The following TDRD6 variants were observed in gnomAD, a reference collection of about 807,000 sequenced individuals.
TDRD6 encodes the protein tudor domain containing 6.
TDRD6 carries 186 observed loss-of-function variants against 157.5 expected under a neutral mutation model. The observed-to-expected ratio is 1.18, with a 90% CI of 1.05 to 1.33. The LOEUF is 1.33. TDRD6 is among the 40% of genes most tolerant of loss of function. The pLI is 0.00. For missense variants in TDRD6, 3,066 were observed against 2,508.0 expected, an observed-to-expected ratio of 1.22 and a Z score of -4.75; for synonymous variants, 1,075 against 945.2, an observed-to-expected ratio of 1.14 and a Z score of -2.52.
In TDRD6 at chr6:46,701,864, G is replaced by C; in HGVS notation, c.6268G>C (p.Gly2090Arg). 1 of 1,612,770 alleles carries C rather than the reference G, an allele frequency of 6.2e-7. No homozygotes were observed. Among genetic ancestry groups the C allele is most frequent in the East Asian group, 2.2e-5 (1 of 44,848 alleles). The change falls in exon 4 of 4, where the codon GGT becomes CGT. Residue 2090 changes from glycine to arginine, a missense_variant. Coordinates refer to ENST00000316081, the MANE Select transcript of TDRD6 (RefSeq NM_001010870.3). ...KLDKSPPEKRGLEVMEI is the reference protein window; with the variant it reads ...KLDKSPPEKRRLEVMEI The stretch of plus-strand genomic sequence containing the variant: ...TTTTCTCTTTTTGTTTCAGAAAAGG[G>C]GTTTGGAGGTGATGGAGATTTAACC...
rs1325648055 is a variant in TDRD6, at chr6:46,689,974, G to A, written c.1846G>A (p.Ala616Thr). The A allele has an allele frequency of 1.2e-6, 2 of 1,613,378 alleles. No individual in the cohort carries two copies. The highest frequency in any genetic ancestry group is 1.7e-6 in the Non-Finnish European group (2 of 1,179,756). ...WPLGKTWSQE[A>T]VSFFKKTVLH... is the part of the protein sequence containing the mutation. ...TTTGGGAAAAACTTGGAGCCAGGAG[G>A]CAGTTTCCTTTTTTAAAAAGACTGT... The change falls in exon 1 of 4, where the codon GCA (alanine) becomes ACA (threonine). Residue 616 changes from alanine to threonine, a missense_variant. Ala to Thr is a moderately conservative substitution (Grantham distance 58, BLOSUM62 0). Transcript: ENST00000316081.
chr6:46,685,731 G>A (rs758839364), upstream of TDRD6, among the ~76,000 whole-genome samples: 8 of 151,200 alleles, frequency 5.3e-5, no homozygotes, highest in Non-Finnish European at 1.0e-4. Flanking sequence ...AAATCTGCAC[G>A]TTCTGTACAT....
Position 46,689,324 on chromosome 6 carries a change from T to C in TDRD6, c.1196T>C (p.Leu399Pro). The C allele has an allele frequency of 6.2e-7, 1 of 1,614,160 alleles. No homozygotes were observed. The highest frequency in any genetic ancestry group is 8.5e-7 in the Non-Finnish European group (1 of 1,180,028). ...SRSQVGDLKT[L>P]ILGKAVNAKI... ...TCACAGGTCGGTGACCTGAAGACACTGATACTAGGCAAGGCAGTGAATGCA... is the reference window on the plus strand; with the variant it reads ...TCACAGGTCGGTGACCTGAAGACACCGATACTAGGCAAGGCAGTGAATGCA... The change falls in exon 1 of 4, where the codon CTG becomes CCG. Residue 399 changes from leucine to proline, a missense_variant. Leu to Pro is a moderately conservative substitution (Grantham distance 98). Transcript: ENST00000316081.
chr6:46,689,265 T>A lies in TDRD6; in HGVS notation c.1137T>A (p.Tyr379Ter). 3.1e-6 allele frequency: 5 copies of A among 1,614,182 alleles called. No individual in the cohort carries two copies. The highest frequency in any genetic ancestry group is 4.2e-6 in the Non-Finnish European group (5 of 1,180,032). ...TGGTGACCTACCCTTGTGCTTTGTATGGACTCTGGGACGGTGGGAGAGGCT... is the reference window on the plus strand; with the variant it reads ...TGGTGACCTACCCTTGTGCTTTGTAAGGACTCTGGGACGGTGGGAGAGGCT... ...MPVVTYPCAL[Y>*]GLWDGGRGWS... The change falls in exon 1 of 4, where the codon TAT becomes TAA. Residue 379 changes from tyrosine to a stop codon, truncating the protein, a stop_gained. Coordinates refer to ENST00000316081, the MANE Select transcript of TDRD6 (RefSeq NM_001010870.3). LOFTEE classifies it high-confidence loss of function.
In TDRD6 at chr6:46,692,467, A is replaced by G. The variant is rs368740342; in HGVS notation, c.4339A>G (p.Ile1447Val). Reference sequence around the variant, plus strand: ...TTCCCAACGGACCAGCGAGGCTGCAATAAGATGTGAATTTGTTAAATTTCA... The same window carrying G: ...TTCCCAACGGACCAGCGAGGCTGCAGTAAGATGTGAATTTGTTAAATTTCA... ...YFSQRTSEAA[I>V]RCEFVKFQDR... Residue 1447 changes from isoleucine to valine, a missense_variant, in exon 1 of 4, where the codon ATA becomes GTA. Physicochemically the swap from Ile to Val is conservative, Grantham distance 29 (BLOSUM62 3). Coordinates refer to ENST00000316081, the MANE Select transcript of TDRD6 (RefSeq NM_001010870.3). 20 of 1,613,870 alleles carry G rather than the reference A, an allele frequency of 1.2e-5. No homozygotes were observed. Among genetic ancestry groups the G allele is most frequent in the African/African-American group, 4.0e-5 (3 of 74,938 alleles).
At position 46,690,197 on chromosome 6, in the gene TDRD6, A is replaced by C; in HGVS notation, c.2069A>C (p.His690Pro). Residue 690 changes from histidine to proline, a missense_variant, in exon 1 of 4, where the codon CAC becomes CCC. Transcript: ENST00000316081. ...CACTCCCCAGGGCATGTTTCAAACCACTTTACTACGGAGAGTAACAAAATA... is the reference window on the plus strand; with the variant it reads ...CACTCCCCAGGGCATGTTTCAAACCCCTTTACTACGGAGAGTAACAAAATA... ...NAHSPGHVSN[H>P]FTTESNKIPF... is the part of the protein sequence containing the mutation. The C allele has an allele frequency of 6.2e-7, 1 of 1,613,904 alleles. No individual in the cohort carries two copies. The highest frequency in any genetic ancestry group is 8.5e-7 in the Non-Finnish European group (1 of 1,180,018).
At chr6:46,695,094 A>G (rs1378276743) in intron 1 of TDRD6, among the ~76,000 whole-genome samples, 1 of 152,162 alleles carries the variant, frequency 6.6e-6, no homozygotes, top group African/African-American at 2.4e-5. Context: ...AATCAATGCT[A>G]TACTTTTTAA....
chr6:46,694,072 T>C lies in TDRD6; in HGVS notation c.5944T>C (p.Tyr1982His), dbSNP rs760607528. ...MNICEEEFVEYKNRDAISALM... is the reference protein window; with the variant it reads ...MNICEEEFVEHKNRDAISALM... ...TATATGTGAAGAAGAATTTGTAGAG[T>C]ATAAAAACAGGGATGCCATTTCGGC... Residue 1982 changes from tyrosine to histidine, a missense_variant, in exon 1 of 4, where the codon TAT (tyrosine) becomes CAT (histidine). Coordinates refer to ENST00000316081, the MANE Select transcript of TDRD6 (RefSeq NM_001010870.3). 2 of 1,613,348 alleles carry C rather than the reference T, an allele frequency of 1.2e-6. No homozygotes were observed. Among genetic ancestry groups the C allele is most frequent in the Non-Finnish European group, 1.7e-6 (2 of 1,179,806 alleles).
At chr6:46,694,200 CTTTTTTTT>C (rs55724083) in intron 1 of TDRD6, 26 bp downstream of exon 1, 750 of 1,039,002 alleles carry the variant, frequency 7.2e-4, no homozygotes, top group Middle Eastern at 3.3e-3. Context: ...TTCCTTTTTA[CTTTTTTTT>C]TTTTTTTTTT....
chr6:46,691,278 TA>T lies in TDRD6; in HGVS notation c.3151del (p.Arg1051GlyfsTer3), dbSNP rs1201988088. On this transcript the variant is annotated frameshift_variant, in exon 1 of 4. Coordinates refer to ENST00000316081, the MANE Select transcript of TDRD6 (RefSeq NM_001010870.3). LOFTEE classifies it high-confidence loss of function. ...LAKYTDGNWYRGIVIEKEPKK... is the reference protein window; with the variant it reads ...LAKYTDGNWYXGIVIEKEPKK... The stretch of plus-strand genomic sequence containing the variant: ...CCAAGTATACTGATGGAAACTGGTA[TA>T]GGGGCATAGTAATAGAGAAAGAGCC... 6.2e-6 allele frequency: 10 copies of T among 1,613,966 alleles called. No homozygotes were observed. Among genetic ancestry groups the T allele is most frequent in the African/African-American group, 2.7e-5 (2 of 74,916 alleles).
Position 46,693,404 on chromosome 6 carries a change from A to G in TDRD6, c.5276A>G (p.Asn1759Ser). 3.7e-6 allele frequency: 6 copies of G among 1,613,778 alleles called. No homozygotes were observed. Among genetic ancestry groups the G allele is most frequent in the Non-Finnish European group, 5.1e-6 (6 of 1,179,958 alleles). ...ELAEITEKDV[N>S]IIGTKPSNFR... ...GCTGAAATAACTGAAAAAGATGTAA[A>G]CATTATTGGAACCAAACCAAGTAAC... The change falls in exon 1 of 4, where the codon AAC becomes AGC. Residue 1759 changes from asparagine (N) to serine (S), a missense_variant. Physicochemically the swap from Asn to Ser is conservative, Grantham distance 46. Transcript: ENST00000316081.
At chr6:46,694,878 C>A (rs1055309647) in intron 1 of TDRD6, among the ~76,000 whole-genome samples, 1 of 152,116 alleles carries the variant, frequency 6.6e-6, no homozygotes, top group Non-Finnish European at 1.5e-5. Flanking sequence ...TCAACAGGGT[C>A]TTTTAGACTT....
chr6:46,693,394 A>G lies in TDRD6; in HGVS notation c.5266A>G (p.Lys1756Glu), dbSNP rs759547688. The G allele has an allele frequency of 1.2e-6, 2 of 1,613,190 alleles. No homozygotes were observed. Among genetic ancestry groups the G allele is most frequent in the Non-Finnish European group, 8.5e-7 (1 of 1,179,822 alleles). The change falls in exon 1 of 4, where the codon AAA becomes GAA. Residue 1756 changes from lysine to glutamate, a missense_variant. Physicochemically the swap from Lys to Glu is moderately conservative, Grantham distance 56. Transcript: ENST00000316081. ...AGATGAGCTTGCTGAAATAACTGAA[A>G]AAGATGTAAACATTATTGGAACCAA... Reference protein sequence around the residue: ...QTDELAEITEKDVNIIGTKPS... With the variant: ...QTDELAEITEEDVNIIGTKPS...
Position 46,693,405 on chromosome 6 carries a change from CAT to C in TDRD6, c.5278_5279del (p.Ile1760TyrfsTer7). 6.2e-7 allele frequency: 1 copy of C among 1,613,730 alleles called. No individual in the cohort carries two copies. Among genetic ancestry groups the C allele is most frequent in the Non-Finnish European group, 8.5e-7 (1 of 1,179,946 alleles). On this transcript the variant is annotated frameshift_variant, in exon 1 of 4. Coordinates refer to ENST00000316081, the MANE Select transcript of TDRD6 (RefSeq NM_001010870.3). LOFTEE classifies it high-confidence loss of function. ...CTGAAATAACTGAAAAAGATGTAAA[CAT>C]TATTGGAACCAAACCAAGTAACTTC... Reference protein sequence around the residue: ...LAEITEKDVNIIGTKPSNFRD... With the variant: ...LAEITEKDVNXIGTKPSNFRD...
rs1427619472 is a variant in TDRD6 at position 46,689,214 on chromosome 6, G to C, written c.1086G>C (p.Leu362Phe). 6.2e-7 allele frequency: 1 copy of C among 1,614,198 alleles called. No homozygotes were observed. The highest frequency in any genetic ancestry group is 1.7e-5 in the Admixed American group (1 of 60,026). ...TGAGTTGCAGCAGCCTTCGGTACTT[G>C]CTGCCTGAATATTTTCGAATGCCGG... ...ELVSCSSLRYLLPEYFRMPVV... is the reference protein window; with the variant it reads ...ELVSCSSLRYFLPEYFRMPVV... The change falls in exon 1 of 4, where the codon TTG becomes TTC. Residue 362 changes from leucine (L) to phenylalanine (F), a missense_variant. Leu to Phe is a conservative substitution (Grantham distance 22). Transcript: ENST00000316081.
At position 46,691,634 on chromosome 6, in the gene TDRD6, A is replaced by G; in HGVS notation, c.3506A>G (p.Glu1169Gly). 1.9e-6 allele frequency: 3 copies of G among 1,613,410 alleles called. No homozygotes were observed. The highest frequency in any genetic ancestry group is 2.5e-6 in the Non-Finnish European group (3 of 1,179,704). The change falls in exon 1 of 4, where the codon GAA becomes GGA. Residue 1169 changes from glutamate to glycine, a missense_variant. Coordinates refer to ENST00000316081, the MANE Select transcript of TDRD6 (RefSeq NM_001010870.3). ...LSYKDRIRKK[E>G]SEVLCSTTET... is the part of the protein sequence containing the mutation. Reference sequence around the variant, plus strand: ...TACAAAGATAGAATAAGAAAAAAAGAAAGTGAAGTCCTCTGTTCTACAACT... The same window carrying G: ...TACAAAGATAGAATAAGAAAAAAAGGAAGTGAAGTCCTCTGTTCTACAACT...
At position 46,694,005 on chromosome 6, in the gene TDRD6, A is replaced by G. The variant is rs144089400; in HGVS notation, c.5877A>G (p.Leu1959=). The G allele has an allele frequency of 6.9e-5, 112 of 1,613,934 alleles. No homozygotes were observed. In the African/African-American group the frequency reaches 1.1e-3, roughly 16 times the overall value. ...FDDQRRMSLH[L]HGADCDPKTQ... ...ACCAGCGCAGGATGTCATTGCATCT[A>G]CATGGAGCAGATTGTGATCCTAAAA... The change falls in exon 1 of 4, where the codon CTA becomes CTG. Residue 1959 remains leucine (L), a synonymous_variant. Coordinates refer to ENST00000316081, the MANE Select transcript of TDRD6 (RefSeq NM_001010870.3).
rs756417940 is a variant in TDRD6, at chr6:46,689,996, C to A, written c.1868C>A (p.Thr623Asn). Residue 623 changes from threonine (T) to asparagine (N), a missense_variant, in exon 1 of 4, where the codon ACT becomes AAT. By Grantham distance (65) the Thr-to-Asn change is moderately conservative. Transcript: ENST00000316081. ...GAGGCAGTTTCCTTTTTTAAAAAGA[C>A]TGTGCTCCACAAAGAATTAGTCATC... ...SQEAVSFFKK[T>N]VLHKELVIHI... 8.7e-6 allele frequency: 14 copies of A among 1,613,362 alleles called. No individual in the cohort carries two copies. The Admixed American group carries it at 1.5e-4, about 17-fold the overall frequency.
At chr6:46,682,719 T>A in the TDRD6 span, among the ~76,000 whole-genome samples, 1 of 151,802 alleles carries the variant, frequency 6.6e-6, no homozygotes, top group Non-Finnish European at 1.5e-5. Flanking sequence ...TATTTAAAAA[T>A]TAATATTATT....
Sources: allele counts gnomAD v4.1 joint callset (sites outside exome capture counted in the v4.1 genomes callset), GRCh38; gene constraint gnomAD v4.1.1; transcripts MANE v1.5; gene names NCBI Gene and HGNC (gene_info 2026-07-23, HGNC 2026-07-21).